DEAF1: variants seen among roughly 807,000 people sequenced by gnomAD.
DEAF1 encodes DEAF1 transcription factor.
A neutral mutation model predicts 58.9 loss-of-function variants in DEAF1; 53 were observed. The observed-to-expected ratio is 0.90, with a 90% confidence interval of 0.72 to 1.13. The LOEUF is 1.13. DEAF1 is among the 50% of genes most tolerant of loss of function. The probability of loss-of-function intolerance (pLI) is 0.00; values close to 1 mark genes in which losing one functional copy is unlikely to be tolerated. For missense variants in DEAF1, 685 were observed against 791.4 expected, an observed-to-expected ratio of 0.87 and a Z score of 1.61; for synonymous variants, 385 against 340.4, an observed-to-expected ratio of 1.13 and a Z score of -1.44.
intron 1 of DEAF1, chr11:692,387 C>T (rs1005083168): frequency 5.1e-5 from 8 of 155,922 alleles, no homozygotes; most frequent in African/African-American, 1.7e-4. Context: ...TCTGCCTCTG[C>T]AAAGTCTTCC....
At position 678,772 on chromosome 11, in the gene DEAF1, G is replaced by A; in HGVS notation, c.1177C>T (p.His393Tyr). The A allele has an allele frequency of 6.2e-7, 1 of 1,614,208 alleles. No homozygotes were observed. The highest frequency in any genetic ancestry group is 8.5e-7 in the Non-Finnish European group (1 of 1,180,022). Reference protein sequence around the residue: ...PPCRASHPEPHYPGYQDSCQI... With the variant: ...PPCRASHPEPYYPGYQDSCQI... Reference sequence around the variant, plus strand: ...CAGCTGTCCTGATAGCCGGGGTAGTGAGGCTCAGGGTGGCTGGCCCTGCAT... The same window carrying A: ...CAGCTGTCCTGATAGCCGGGGTAGTAAGGCTCAGGGTGGCTGGCCCTGCAT... The change falls in exon 9 of 12, where the codon CAC becomes TAC. Residue 393 changes from histidine (H) to tyrosine (Y), a missense_variant. Physicochemically the swap from His to Tyr is moderately conservative, Grantham distance 83 (BLOSUM62 2). Transcript: ENST00000382409.
chr11:688,237 C>A lies in DEAF1; in HGVS notation c.517+94G>T. 1 of 1,545,702 alleles carries A rather than the reference C, an allele frequency of 6.5e-7. No individual in the cohort carries two copies. Among genetic ancestry groups the A allele is most frequent in the Non-Finnish European group, 8.8e-7 (1 of 1,142,508 alleles). ...TTAATAGATGATATTCCAAATTTAC[C>A]ACAAAAAGAAACAAGTAAATAAATC... On this transcript the variant is annotated intron_variant, in intron 3 of 11. Coordinates refer to ENST00000382409, the MANE Select transcript of DEAF1 (RefSeq NM_021008.4). The surrounding 1 kb of genome is among the most constrained non-coding windows in gnomAD (Gnocchi z 4.3).
At chr11:689,202 C>CTTTTTTTTTTTTTTT (rs34046317) in intron 2 of DEAF1, among the ~76,000 whole-genome samples, 13 of 94,180 alleles carry the variant, frequency 1.4e-4, no homozygotes, top group South Asian at 3.7e-4. Flanking sequence ...TTTTCTTTTT[C>CTTTTTTTTTTTTTTT]TTTTTTTTTT....
Position 700,951 on chromosome 11 carries a change from G to A in DEAF1, c.-438+5621C>T, listed in dbSNP as rs1861428264. 5 of 559,596 alleles carry A rather than the reference G, an allele frequency of 8.9e-6. No individual in the cohort carries two copies. The Admixed American group carries it at 9.2e-5, about 10-fold the overall frequency. 34.7% of individuals were successfully genotyped at this position (559,596 alleles called of 1,614,324 possible). On this transcript the variant is annotated intron_variant, in intron 1 of 11. Transcript: ENST00000683307. ...GACTCTGTGTTTGGAAGCATGTCTT[G>A]TAGAAGCCACTGGGTAATGGCACTG...
In DEAF1 at chr11:672,799, G is replaced by T. The variant is rs537085802; in HGVS notation, c.1503+1737C>A. Among the ~76,000 whole-genome samples the T allele has an allele frequency of 2.0e-5, 3 of 152,206 alleles. No homozygotes were observed. In the East Asian group the frequency reaches 5.8e-4, roughly 29 times the overall value. On this transcript the variant is annotated intron_variant, in intron 10 of 11. Coordinates refer to ENST00000382409, the MANE Select transcript of DEAF1 (RefSeq NM_021008.4). ...GGAGGAGGAAGCTGCAGTGAGCTGA[G>T]ATTGTGCCATTGCACTCCAGCCTGA...
intron 1 of DEAF1, chr11:700,529 A>AT (rs1302802648): frequency 2.9e-6 from 3 of 1,031,978 alleles, no homozygotes; most frequent in African/African-American, 1.6e-5. Flanking sequence ...CCTGTCTCAA[A>AT]AAAAAAAAAA....
intron 1 of DEAF1, chr11:705,356 G>A (rs1861667808): frequency 6.4e-6 from 1 of 155,936 alleles, no homozygotes; most frequent in Non-Finnish European, 1.4e-5. Flanking sequence ...ACTGCACCCT[G>A]GCCCTGTTCT....
intron 1 of DEAF1, among the ~76,000 whole-genome samples, chr11:693,904 G>C (rs1224586725): frequency 6.6e-6 from 1 of 152,052 alleles, no homozygotes; most frequent in Non-Finnish European, 1.5e-5. Flanking sequence ...CAGGTCCTTA[G>C]GGAAAAAGGC....
intron 9 of DEAF1, 159 bp downstream of exon 9, chr11:678,535 A>G (rs939093693): frequency 1.3e-4 from 136 of 1,058,432 alleles, no homozygotes; most frequent in Non-Finnish European, 1.8e-4. Flanking sequence ...TTTATTTACA[A>G]ACATAGGCAG....
chr11:692,078 C>T (rs1372493342), intron 1 of DEAF1, among the ~76,000 whole-genome samples: 2 of 152,166 alleles, frequency 1.3e-5, no homozygotes, highest in Non-Finnish European at 2.9e-5. Context: ...CAGGTGACCT[C>T]GGCCCCATGC....
intron 1 of DEAF1, chr11:703,312 G>T: frequency 3.5e-6 from 5 of 1,419,650 alleles, no homozygotes; most frequent in Non-Finnish European, 4.6e-6. Flanking sequence ...GTGGGAGCAG[G>T]AGCCAGGGCA....
chr11:694,200 C>CG (rs1233523937), intron 1 of DEAF1, among the ~76,000 whole-genome samples: 1 of 148,708 alleles, frequency 6.7e-6, no homozygotes, highest in Non-Finnish European at 1.5e-5. Context: ...CAGTAGGAGG[C>CG]GGGGCTGCCA....
chr11:647,778 C>G (rs1858568072), intron 11 of DEAF1, among the ~76,000 whole-genome samples: 1 of 152,202 alleles, frequency 6.6e-6, no homozygotes, highest in Admixed American at 6.5e-5. Flanking sequence ...GTGTTGCCAC[C>G]ACAGCACGTA....
In DEAF1 at chr11:644,627, CG is replaced by C; in HGVS notation, c.1620del (p.Cys540TrpfsTer20). The C allele has an allele frequency of 6.2e-7, 1 of 1,612,294 alleles. No homozygotes were observed. Among genetic ancestry groups the C allele is most frequent in the Non-Finnish European group, 8.5e-7 (1 of 1,179,768 alleles). ...RKDWKDHQHI[C>X]GQSAAVTVQA... ...TGGACGGTGACAGCTGCTGACTGGC[CG>C]CATATGTGCTGGTGATCCTTCCAGT... On this transcript the variant is annotated frameshift_variant, in exon 12 of 12. Transcript: ENST00000382409. LOFTEE classifies it high-confidence loss of function. This position sits in a 1 kb window ranked among gnomAD's most constrained non-coding sequence, Gnocchi z 4.3.
At chr11:671,879 ATCAG>A (rs1859845395) in intron 10 of DEAF1, among the ~76,000 whole-genome samples, 1 of 150,048 alleles carries the variant, frequency 6.7e-6, no homozygotes, top group South Asian at 2.1e-4. Flanking sequence ...TCACATATTG[ATCAG>A]TCATTTAAAA....
chr11:645,466 G>A (rs940766942), intron 11 of DEAF1, among the ~76,000 whole-genome samples: 3 of 151,926 alleles, frequency 2.0e-5, no homozygotes, highest in East Asian at 1.9e-4. Flanking sequence ...ACAGGTGCAC[G>A]CCACCACACC....
intron 1 of DEAF1, chr11:703,685 CAGG>C: frequency 8.1e-7 from 1 of 1,232,324 alleles, no homozygotes; most frequent in Non-Finnish European, 1.0e-6. Flanking sequence ...CTCTGCCTCA[CAGG>C]CAGGCAGGCC....
At position 682,035 on chromosome 11, in the gene DEAF1, CTTGT is replaced by C. The variant is rs1860398545; in HGVS notation, c.871-950_871-947del. 6.6e-5 allele frequency among the ~76,000 whole-genome samples: 10 copies of C among 152,370 alleles called. 1 individual carries two copies. In the South Asian group the frequency reaches 2.1e-3, roughly 32 times the overall value. On this transcript the variant is annotated intron_variant, in intron 6 of 11. Coordinates refer to ENST00000382409, the MANE Select transcript of DEAF1 (RefSeq NM_021008.4). ...TCTCTGGGATCCTTGCTGCTGTCAG[CTTGT>C]TTATTACTCAGGTACGGAGCTGGAC...
At chr11:695,361 G>A, upstream of DEAF1, 1 of 427,282 alleles carries the variant, frequency 2.3e-6, no homozygotes, top group Non-Finnish European at 4.1e-6. Context: ...AGTCCGAATA[G>A]GTCCGAGTCC....
Sources: allele counts gnomAD v4.1 joint callset (sites outside exome capture counted in the v4.1 genomes callset), GRCh38; gene constraint gnomAD v4.1.1; non-coding constraint Gnocchi (gnomAD v3.1); transcripts MANE v1.5; gene names NCBI Gene and HGNC (gene_info 2026-07-23, HGNC 2026-07-21).